Variants in ZBTB10 observed in about 807,000 individuals in gnomAD.
The protein encoded by ZBTB10 is zinc finger and BTB domain containing 10, also known as zinc finger and BTB domain-containing protein 10.
In ZBTB10, 32 loss-of-function variants were observed where a neutral mutation model predicts 76.4. That is an observed-to-expected ratio of 0.42 (90% CI 0.32 to 0.56). The LOEUF (loss-of-function observed/expected upper bound fraction) is 0.56. ZBTB10 is among the 20% of genes least tolerant of loss of function. The pLI is 0.14. For synonymous variants in ZBTB10, 523 were observed against 432.9 expected (o/e 1.21, Z -2.58); for missense variants, 1,057 against 1,098.5 (o/e 0.96, Z 0.53).
Position 80,525,792 on chromosome 8 carries a change from A to T in ZBTB10, c.*6264A>T, listed in dbSNP as rs940398144. 6.6e-6 allele frequency: 1 copy of T among 152,184 alleles called. No individual in the cohort carries two copies. The highest frequency in any genetic ancestry group is 1.5e-5 in the Non-Finnish European group (1 of 68,020). The allele number at this position is 152,184 out of a possible 1,614,324, so 9.4% of individuals were successfully genotyped here. On this transcript the variant is annotated 3_prime_UTR_variant, in exon 6 of 6. Coordinates refer to ENST00000455036, the MANE Select transcript of ZBTB10 (RefSeq NM_001105539.3). ...GTATTTGGCACATAGCTTGTTGATC[A>T]AAAGTATTTACTAAGTGAGTGACAA...
In ZBTB10 at chr8:80,487,663, G is replaced by A; in HGVS notation, c.853G>A (p.Val285Met). 1.2e-6 allele frequency: 2 copies of A among 1,613,948 alleles called. No individual in the cohort carries two copies. Among genetic ancestry groups the A allele is most frequent in the South Asian group, 2.2e-5 (2 of 91,082 alleles). The change falls in exon 1 of 6, where the codon GTG (valine) becomes ATG (methionine). Residue 285 changes from valine to methionine, a missense_variant. Val to Met is a conservative substitution (Grantham distance 21). Coordinates refer to ENST00000455036, the MANE Select transcript of ZBTB10 (RefSeq NM_001105539.3). The part of the protein sequence containing the change: ...CQKTPADGGS[V>M]DLPPVGHDEL... Reference sequence around the variant, plus strand: ...AAAGACCCCTGCAGATGGGGGAAGCGTGGACCTTCCCCCAGTGGGGCATGA... The same window carrying A: ...AAAGACCCCTGCAGATGGGGGAAGCATGGACCTTCCCCCAGTGGGGCATGA...
At position 80,524,052 on chromosome 8, in the gene ZBTB10, A is replaced by G. The variant is rs1476961024; in HGVS notation, c.*4524A>G. ...CTAAAAATATAAACTTGTGAGCACTAAACTGCTTCTGGCTTTGTGAATTTT... is the reference window on the plus strand; with the variant it reads ...CTAAAAATATAAACTTGTGAGCACTGAACTGCTTCTGGCTTTGTGAATTTT... On this transcript the variant is annotated 3_prime_UTR_variant, in exon 6 of 6. Coordinates refer to ENST00000455036, the MANE Select transcript of ZBTB10 (RefSeq NM_001105539.3). 2 of 152,026 alleles carry G rather than the reference A, an allele frequency of 1.3e-5. No homozygotes were observed. Among genetic ancestry groups the G allele is most frequent in the African/African-American group, 4.8e-5 (2 of 41,440 alleles). 9.4% of individuals were successfully genotyped at this position (152,026 alleles called of 1,614,324 possible).
chr8:80,487,186 C>G lies in ZBTB10; in HGVS notation c.376C>G (p.Arg126Gly). 2 of 1,534,732 alleles carry G rather than the reference C, an allele frequency of 1.3e-6. No individual in the cohort carries two copies. The highest frequency in any genetic ancestry group is 8.8e-7 in the Non-Finnish European group (1 of 1,142,730). ...AERNRRTLAFRGGGGGGLGNN... is the reference protein window; with the variant it reads ...AERNRRTLAFGGGGGGGLGNN... ...AAGGAACCGTCGGACTCTGGCCTTC[C>G]GAGGCGGCGGCGGCGGGGGTCTCGG... The change falls in exon 1 of 6, where the codon CGA becomes GGA. Residue 126 changes from arginine (R) to glycine (G), a missense_variant. Transcript: ENST00000455036.
intron 2 of ZBTB10, among the ~76,000 whole-genome samples, chr8:80,510,783 T>A (rs1278389860): frequency 6.6e-6 from 1 of 152,162 alleles, no homozygotes; most frequent in Non-Finnish European, 1.5e-5. Flanking sequence ...GCCCTTTTTT[T>A]GCTACCTTTA....
intron 1 of ZBTB10, among the ~76,000 whole-genome samples, chr8:80,493,417 G>A (rs532986935): frequency 6.6e-6 from 1 of 152,288 alleles, no homozygotes; most frequent in East Asian, 1.9e-4. Flanking sequence ...GTTTTAAGCA[G>A]GGGAGAATCA....
At position 80,486,934 on chromosome 8, in the gene ZBTB10, C is replaced by T. The variant is rs1161533569; in HGVS notation, c.124C>T (p.Pro42Ser). 2 of 1,512,662 alleles carry T rather than the reference C, an allele frequency of 1.3e-6. No individual in the cohort carries two copies. Among genetic ancestry groups the T allele is most frequent in the South Asian group, 2.5e-5 (2 of 81,432 alleles). 93.7% of individuals were successfully genotyped at this position (1,512,662 alleles called of 1,614,324 possible). A position where few individuals can be genotyped will look rare whatever the true frequency, so the allele number is the denominator to read the frequency against. Reference sequence around the variant, plus strand: ...GGAGGCCTCAGCTTGGCCTCCGCAGCCCCAGCCGAGACAGCCCCCGCCGCC... The same window carrying T: ...GGAGGCCTCAGCTTGGCCTCCGCAGTCCCAGCCGAGACAGCCCCCGCCGCC... ...GGEASAWPPQ[P>S]QPRQPPPPAP... is the part of the protein sequence containing the mutation. Residue 42 changes from proline to serine, a missense_variant, in exon 1 of 6, where the codon CCC (proline) becomes TCC (serine). Physicochemically the swap from Pro to Ser is moderately conservative, Grantham distance 74. This residue lies in a region of ZBTB10 where 556 missense variants were observed against 451.7 expected (regional missense o/e 1.23). Transcript: ENST00000455036.
rs1408629221 is a variant in ZBTB10 at position 80,506,219 on chromosome 8, G to A, written c.1861+5837G>A. 2.6e-5 allele frequency among the ~76,000 whole-genome samples: 4 copies of A among 151,986 alleles called. No individual in the cohort carries two copies. In the South Asian group the frequency reaches 6.2e-4, roughly 24 times the overall value. On this transcript the variant is annotated intron_variant, in intron 2 of 5. Coordinates refer to ENST00000455036, the MANE Select transcript of ZBTB10 (RefSeq NM_001105539.3). ...ATTCTGAAATCTTAATAGTTCTGAGGACCCAAAGCTTTTTCTTAATCATTT... is the reference window on the plus strand; with the variant it reads ...ATTCTGAAATCTTAATAGTTCTGAGAACCCAAAGCTTTTTCTTAATCATTT...
chr8:80,493,644 C>T (rs1004228905), intron 1 of ZBTB10, among the ~76,000 whole-genome samples: 2 of 150,734 alleles, frequency 1.3e-5, no homozygotes, highest in African/African-American at 4.9e-5. Flanking sequence ...TGGAGAAACC[C>T]CGTCTCTAAT....
Position 80,507,075 on chromosome 8 carries a change from C to T in ZBTB10, c.1861+6693C>T, listed in dbSNP as rs549938673. Among the ~76,000 whole-genome samples, 26 of 151,220 alleles carry T rather than the reference C, an allele frequency of 1.7e-4. No homozygotes were observed. In the Middle Eastern group the frequency reaches 0.01, roughly 60 times the overall value. On this transcript the variant is annotated intron_variant, in intron 2 of 5. Coordinates refer to ENST00000455036, the MANE Select transcript of ZBTB10 (RefSeq NM_001105539.3). ...CTGTAATCCCAGCACTTTGGGAGGC[C>T]GAGGCAGGTGGATCACGAGGGCAAG... is the stretch of plus-strand genomic sequence containing the variant.
chr8:80,526,087 G>A lies in ZBTB10; in HGVS notation c.*6559G>A, dbSNP rs1816556019. On this transcript the variant is annotated 3_prime_UTR_variant, in exon 6 of 6. Transcript: ENST00000455036. ...TTTTTTTTAAACCGTCTCCATAACA[G>A]AACACTTAGAATTATTAGCCATTTG... is the stretch of plus-strand genomic sequence containing the variant. The A allele has an allele frequency of 6.6e-6, 1 of 151,908 alleles. No homozygotes were observed. The highest frequency in any genetic ancestry group is 2.1e-4 in the South Asian group (1 of 4,820). 9.4% of individuals were successfully genotyped at this position (151,908 alleles called of 1,614,324 possible).
At position 80,489,821 on chromosome 8, in the gene ZBTB10, G is replaced by C. The variant is rs185310439; in HGVS notation, c.972+2039G>C. On this transcript the variant is annotated intron_variant, in intron 1 of 5. Transcript: ENST00000455036. Reference sequence around the variant, plus strand: ...ATATTAAGGGCTACAGTTTTAGTAAGTCCTGTGTGTCCTAAGGTTATATAT... The same window carrying C: ...ATATTAAGGGCTACAGTTTTAGTAACTCCTGTGTGTCCTAAGGTTATATAT... Among the ~76,000 whole-genome samples, 182 of 152,304 alleles carry C rather than the reference G, an allele frequency of 1.2e-3. 3 individuals carry two copies. Among genetic ancestry groups the C allele is most frequent in the African/African-American group, 4.3e-3 (179 of 41,564 alleles).
At chr8:80,501,676 ATGTG>A (rs35555021) in intron 2 of ZBTB10, among the ~76,000 whole-genome samples, 3 of 151,038 alleles carry the variant, frequency 2.0e-5, no homozygotes, top group Non-Finnish European at 4.4e-5. Context: ...TTGTGTATGT[ATGTG>A]TGTGTGTGTG....
rs1215667787 is a variant in ZBTB10 at position 80,487,058 on chromosome 8, C to T, written c.248C>T (p.Pro83Leu). Residue 83 changes from proline (P) to leucine (L), a missense_variant, in exon 1 of 6, where the codon CCG becomes CTG. Pro to Leu is a moderately conservative substitution (Grantham distance 98, BLOSUM62 -3). Coordinates refer to ENST00000455036, the MANE Select transcript of ZBTB10 (RefSeq NM_001105539.3). Reference protein sequence around the residue: ...EPQDLEASAGPAAGAAEEAKE... With the variant: ...EPQDLEASAGLAAGAAEEAKE... ...CAAGACCTGGAGGCCTCCGCCGGGC[C>T]GGCCGCCGGCGCCGCCGAGGAAGCC... is the stretch of plus-strand genomic sequence containing the variant. 3 of 1,515,680 alleles carry T rather than the reference C, an allele frequency of 2.0e-6. No individual in the cohort carries two copies. Among genetic ancestry groups the T allele is most frequent in the African/African-American group, 2.9e-5 (2 of 69,206 alleles). The allele number at this position is 1,515,680 out of a possible 1,614,324, so 93.9% of individuals were successfully genotyped here.
At chr8:80,510,643 T>TGGGGGG (rs774237067) in intron 2 of ZBTB10, among the ~76,000 whole-genome samples, 21 of 78,176 alleles carry the variant, frequency 2.7e-4, no homozygotes, top group Non-Finnish European at 4.5e-4. Flanking sequence ...GAAACCAGTG[T>TGGGGGG]GTGTGTGTGT....
chr8:80,510,579 A>G (rs561279353), intron 2 of ZBTB10, among the ~76,000 whole-genome samples: 180 of 152,074 alleles, frequency 1.2e-3, no homozygotes, highest in South Asian at 3.1e-3. Context: ...TCATTTGAAT[A>G]TTACATACCA....
Position 80,500,319 on chromosome 8 carries a change from T to C in ZBTB10, c.1798T>C (p.Ser600Pro), listed in dbSNP as rs1815890140. The change falls in exon 2 of 6, where the codon TCA becomes CCA. Residue 600 changes from serine (S) to proline (P), a missense_variant. This residue lies in a region of ZBTB10 where 306 missense variants were observed against 297.5 expected (regional missense o/e 1.03). Transcript: ENST00000455036. ...PNNETNLEDC[S>P]VMQPPVAYPE... ...TAATGAAACGAATTTAGAAGATTGCTCAGTAATGCAGCCACCTGTTGCCTA... is the reference window on the plus strand; with the variant it reads ...TAATGAAACGAATTTAGAAGATTGCCCAGTAATGCAGCCACCTGTTGCCTA... 1 of 1,585,490 alleles carries C rather than the reference T, an allele frequency of 6.3e-7. No individual in the cohort carries two copies. The highest frequency in any genetic ancestry group is 8.6e-7 in the Non-Finnish European group (1 of 1,165,152).
At position 80,520,648 on chromosome 8, in the gene ZBTB10, G is replaced by A. The variant is rs1816429170; in HGVS notation, c.*1120G>A. The A allele has an allele frequency of 6.6e-6, 1 of 151,950 alleles. No homozygotes were observed. 9.4% of individuals were successfully genotyped at this position (151,950 alleles called of 1,614,324 possible). On this transcript the variant is annotated 3_prime_UTR_variant, in exon 6 of 6. Coordinates refer to ENST00000455036, the MANE Select transcript of ZBTB10 (RefSeq NM_001105539.3). Reference sequence around the variant, plus strand: ...TACTTAGCGGGATATTGATTGTTTTGAAATTATGATCAATACTTAATTTAT... The same window carrying A: ...TACTTAGCGGGATATTGATTGTTTTAAAATTATGATCAATACTTAATTTAT...
At position 80,520,350 on chromosome 8, in the gene ZBTB10, T is replaced by C. The variant is rs539946109; in HGVS notation, c.*822T>C. On this transcript the variant is annotated 3_prime_UTR_variant, in exon 6 of 6. Coordinates refer to ENST00000455036, the MANE Select transcript of ZBTB10 (RefSeq NM_001105539.3). Reference sequence around the variant, plus strand: ...TCTGATAAATGGTTACTATATGATATTTTCTGACATGGTATTTGGTTTTGG... The same window carrying C: ...TCTGATAAATGGTTACTATATGATACTTTCTGACATGGTATTTGGTTTTGG... 3.3e-5 allele frequency: 5 copies of C among 152,676 alleles called. No individual in the cohort carries two copies. In the East Asian group the frequency reaches 9.6e-4, roughly 29 times the overall value. 9.5% of individuals were successfully genotyped at this position (152,676 alleles called of 1,614,324 possible).
rs141666381 is a variant in ZBTB10, at chr8:80,486,501, T to A, written c.-310T>A. 4.7e-4 allele frequency: 467 copies of A among 985,156 alleles called. 2 individuals carry two copies. The African/African-American group carries it at 7.7e-3, about 16-fold the overall frequency. The allele number at this position is 985,156 out of a possible 1,614,324, so 61.0% of individuals were successfully genotyped here. ...AAGGCCTCGCTCGCTGCAGGCTCGCTCCTCACCTCTCCGCCGCCCGCCCCC... is the reference window on the plus strand; with the variant it reads ...AAGGCCTCGCTCGCTGCAGGCTCGCACCTCACCTCTCCGCCGCCCGCCCCC... On this transcript the variant is annotated 5_prime_UTR_variant, in exon 1 of 6. Coordinates refer to ENST00000455036, the MANE Select transcript of ZBTB10 (RefSeq NM_001105539.3).
Sources: gnomAD v4.1 joint callset for allele counts (sites outside exome capture counted in the v4.1 genomes callset) on GRCh38, gnomAD v4.1.1 for gene constraint, gnomAD v4.1.1 regional missense constraint, MANE v1.5 for transcripts, NCBI Gene and HGNC (gene_info 2026-07-23, HGNC 2026-07-21) for gene names.